The following PAWR variants were observed in gnomAD, a reference collection of about 807,000 sequenced individuals.
The protein encoded by PAWR is pro-apoptotic WT1 regulator.
In PAWR, 23 loss-of-function variants were observed where a neutral mutation model predicts 32.0. The observed-to-expected ratio is 0.72, with a 90% confidence interval of 0.52 to 1.02. PAWR has a LOEUF of 1.02. Among genes scored for constraint, PAWR ranks in the 50% least tolerant of loss-of-function variants. PAWR has a pLI of 0.00. For missense variants in PAWR, 457 were observed against 437.7 expected (o/e 1.04, Z -0.39); for synonymous variants, 226 against 187.1 (o/e 1.21, Z -1.70).
chr12:79,637,386 T>C (rs1302485583), intron 2 of PAWR, among the ~76,000 whole-genome samples: 1 of 152,070 alleles, frequency 6.6e-6, no homozygotes, highest in Non-Finnish European at 1.5e-5. Context: ...TCTCTGGTAA[T>C]ACCCTTTTCA....
chr12:79,682,207 A>G (rs1208220651), intron 2 of PAWR, among the ~76,000 whole-genome samples: 1 of 152,106 alleles, frequency 6.6e-6, no homozygotes, highest in Non-Finnish European at 1.5e-5. Flanking sequence ...GCTGTAGTGC[A>G]GTTGAGCAGT....
chr12:79,638,790 G>GGGGTGTGTGTGTGTGTGT (rs373489759), intron 2 of PAWR, among the ~76,000 whole-genome samples: 1 of 105,272 alleles, frequency 9.5e-6, no homozygotes, highest in African/African-American at 3.8e-5. Context: ...TTATATTTGG[G>GGGGTGTGTGTGTGTGTGT]GTGTGTGTGT....
rs1347450378 is a variant in PAWR, at chr12:79,587,978, GA to G, written c.*4628del. 1 of 152,006 alleles carries G rather than the reference GA, an allele frequency of 6.6e-6. No individual in the cohort carries two copies. Among genetic ancestry groups the G allele is most frequent in the African/African-American group, 2.4e-5 (1 of 41,440 alleles). 9.4% of individuals were successfully genotyped at this position (152,006 alleles called of 1,614,324 possible). A position where few individuals can be genotyped will look rare whatever the true frequency, so the allele number is the denominator to read the frequency against. ...TTTTCCACAAATATTTGGATTACCT[GA>G]ATTAGCTGATTCTTCAGCAAAAGTT... On this transcript the variant is annotated 3_prime_UTR_variant, in exon 7 of 7. Transcript: ENST00000328827.
chr12:79,618,191 T>C (rs1874836141), intron 3 of PAWR, among the ~76,000 whole-genome samples: 2 of 152,074 alleles, frequency 1.3e-5, no homozygotes, highest in African/African-American at 2.4e-5. Context: ...TGCAGTGGTG[T>C]GATCTCAGCT....
intron 2 of PAWR, among the ~76,000 whole-genome samples, chr12:79,639,916 T>TTCCATTCCATTCCATTCCATTCC (rs1566014467): frequency 4.1e-5 from 5 of 122,172 alleles, no homozygotes; most frequent in African/African-American, 3.2e-4. Context: ...CATTCCATTC[T>TTCCATTCCATTCCATTCCATTCC]ATTCTAGAGA....
At chr12:79,659,502 A>G (rs1877249465) in intron 2 of PAWR, among the ~76,000 whole-genome samples, 1 of 152,194 alleles carries the variant, frequency 6.6e-6, no homozygotes, top group African/African-American at 2.4e-5. Context: ...CCATTTGTAC[A>G]GAAGTAATAC....
chr12:79,647,188 A>G (rs1260000346), intron 2 of PAWR, among the ~76,000 whole-genome samples: 1 of 151,902 alleles, frequency 6.6e-6, no homozygotes, highest in Non-Finnish European at 1.5e-5. Context: ...AAAAAAAAAA[A>G]AAGAAAAGGA....
chr12:79,638,930 T>TG (rs1876143957), intron 2 of PAWR, among the ~76,000 whole-genome samples: 1 of 100,878 alleles, frequency 9.9e-6, no homozygotes, highest in African/African-American at 4.1e-5. Flanking sequence ...TTTTTTTTTT[T>TG]GAGATGGAGT....
At chr12:79,675,825 A>G (rs1022651885) in intron 2 of PAWR, among the ~76,000 whole-genome samples, 1 of 152,186 alleles carries the variant, frequency 6.6e-6, no homozygotes, top group Non-Finnish European at 1.5e-5. Flanking sequence ...CCCCCACGAC[A>G]TGAAATTTAC....
intron 2 of PAWR, among the ~76,000 whole-genome samples, chr12:79,650,340 C>T (rs912736602): frequency 1.3e-5 from 2 of 152,168 alleles, no homozygotes; most frequent in Non-Finnish European, 2.9e-5. Context: ...GACACTGTAC[C>T]TTGTTATCAA....
chr12:79,672,176 C>T (rs1877936596), intron 2 of PAWR, among the ~76,000 whole-genome samples: 1 of 152,204 alleles, frequency 6.6e-6, no homozygotes, highest in African/African-American at 2.4e-5. Context: ...CTCTCCTTCC[C>T]GTACACAGAG....
chr12:79,596,853 G>A (rs749010617), intron 4 of PAWR, 195 bp from the exon 5 acceptor site: 4 of 501,336 alleles, frequency 8.0e-6, no homozygotes, highest in Admixed American at 7.9e-5. Context: ...TAATTCTTTC[G>A]ACCAATATCT....
chr12:79,678,884 T>TG (rs1878302928), intron 2 of PAWR, among the ~76,000 whole-genome samples: 1 of 145,698 alleles, frequency 6.9e-6, no homozygotes, highest in East Asian at 2.0e-4. Context: ...TTTTTTTTTT[T>TG]GGCGGGGGTG....
At chr12:79,641,839 C>T (rs1416270922) in intron 2 of PAWR, among the ~76,000 whole-genome samples, 1 of 104,490 alleles carries the variant, frequency 9.6e-6, no homozygotes, top group Non-Finnish European at 1.7e-5. Flanking sequence ...GAGCGAGACT[C>T]CGTCTCAAAA....
rs1271026638 is a variant in PAWR at position 79,587,950 on chromosome 12, T to C, written c.*4657A>G. On this transcript the variant is annotated 3_prime_UTR_variant, in exon 7 of 7. Transcript: ENST00000328827. The stretch of plus-strand genomic sequence containing the variant: ...TAATGTGTTCAATAAATTATCCAGA[T>C]GTTTTTCCACAAATATTTGGATTAC... 2.0e-5 allele frequency: 3 copies of C among 152,076 alleles called. No individual in the cohort carries two copies. Among genetic ancestry groups the C allele is most frequent in the African/African-American group, 4.8e-5 (2 of 41,460 alleles). The allele number at this position is 152,076 out of a possible 1,614,324, so 9.4% of individuals were successfully genotyped here.
chr12:79,688,934 A>G (rs549544777), intron 2 of PAWR, among the ~76,000 whole-genome samples: 3 of 152,338 alleles, frequency 2.0e-5, no homozygotes, highest in African/African-American at 7.2e-5. Context: ...GTGATTATAC[A>G]CTTAGTAAAA....
intron 5 of PAWR, among the ~76,000 whole-genome samples, chr12:79,595,026 A>C (rs1264291544): frequency 1.3e-5 from 2 of 152,110 alleles, no homozygotes; most frequent in African/African-American, 4.8e-5. Flanking sequence ...CTGTGATTTA[A>C]CTTATTTAGC....
At chr12:79,661,972 A>G (rs1320888746) in intron 2 of PAWR, among the ~76,000 whole-genome samples, 2 of 152,180 alleles carry the variant, frequency 1.3e-5, no homozygotes, top group Non-Finnish European at 2.9e-5. Context: ...TAAATGATAA[A>G]AAAAGATTCT....
At chr12:79,632,296 CATATATATATACATACATATATATATAT>C (rs1300913188) in intron 2 of PAWR, 511 of 36,774 alleles carry the variant, frequency 0.014, 68 homozygotes, top group African/African-American at 0.13. Context: ...GAAATATATA[CATATATATATACATACATATATATATAT>C]ATATATATAT....
Sources: allele counts gnomAD v4.1 joint callset (sites outside exome capture counted in the v4.1 genomes callset), GRCh38; gene constraint gnomAD v4.1.1; transcripts MANE v1.5; gene names NCBI Gene and HGNC (gene_info 2026-07-23, HGNC 2026-07-21).